The following NWD2 variants were observed in gnomAD, a reference collection of about 807,000 sequenced individuals.
NWD2 encodes the protein NACHT and WD repeat domain containing 2, also known as NACHT and WD repeat domain-containing protein 2.
NWD2 carries 37 observed loss-of-function variants against 132.7 expected under a neutral mutation model. That is an observed-to-expected ratio of 0.28 (90% confidence interval 0.21 to 0.37). The LOEUF (loss-of-function observed/expected upper bound fraction) is 0.37. NWD2 is among the 10% of genes least tolerant of loss of function. The pLI, the probability that NWD2 is intolerant of heterozygous loss-of-function variation, is 1.00. For synonymous variants in NWD2, 705 were observed against 803.0 expected, an observed-to-expected ratio of 0.88 and a Z score of 2.06; for missense variants, 1,592 against 2,122.4, an observed-to-expected ratio of 0.75 and a Z score of 4.91.
chr4:37,336,905 A>T lies in NWD2; in HGVS notation c.240+10881A>T, dbSNP rs116584512. 9.9e-3 allele frequency among the ~76,000 whole-genome samples: 1,445 copies of T among 145,846 alleles called. 22 individuals carry two copies. The highest frequency in any genetic ancestry group is 0.034 in the African/African-American group (1,361 of 39,918). ...AGTGGGCCGAGATCAAGATCGCACC[A>T]CTGCGCTCCAGCCTGGGCAAAAGAG... On this transcript the variant is annotated intron_variant, in intron 2 of 6. Transcript: ENST00000309447.
intron 2 of NWD2, among the ~76,000 whole-genome samples, chr4:37,336,952 GA>G (rs11371327): frequency 3.2e-4 from 38 of 119,020 alleles, no homozygotes; most frequent in Middle Eastern, 4.7e-3. Flanking sequence ...CTCAAAAAAA[GA>G]AAAAAAAAAA....
chr4:37,360,861 A>T lies in NWD2; in HGVS notation c.357+4379A>T, dbSNP rs908358951. Among the ~76,000 whole-genome samples, 5 of 152,152 alleles carry T rather than the reference A, an allele frequency of 3.3e-5. No homozygotes were observed. In the South Asian group the frequency reaches 1.0e-3, roughly 32 times the overall value. ...CTTGTCATCCCTCCAAATGTGGAGTACCCAAAAGAATTGCTTACAGAGTTT... is the reference window on the plus strand; with the variant it reads ...CTTGTCATCCCTCCAAATGTGGAGTTCCCAAAAGAATTGCTTACAGAGTTT... On this transcript the variant is annotated intron_variant, in intron 3 of 6. Coordinates refer to ENST00000309447, the MANE Select transcript of NWD2 (RefSeq NM_001144990.2).
chr4:37,319,652 T>C (rs1453545667), intron 1 of NWD2, among the ~76,000 whole-genome samples: 1 of 152,174 alleles, frequency 6.6e-6, no homozygotes, highest in East Asian at 1.9e-4. Flanking sequence ...TTTTTATATA[T>C]AGTGAAAGAT....
chr4:37,245,786 C>G (rs1717232578), intron 1 of NWD2, among the ~76,000 whole-genome samples: 1 of 152,162 alleles, frequency 6.6e-6, no homozygotes, highest in South Asian at 2.1e-4. Context: ...GGTCCCGGAA[C>G]AGGCTTCGCG....
chr4:37,257,581 A>G (rs576581560), intron 1 of NWD2, among the ~76,000 whole-genome samples: 1 of 152,340 alleles, frequency 6.6e-6, no homozygotes, highest in Middle Eastern at 3.4e-3. Flanking sequence ...GAATTTGTTA[A>G]AAGCTCTAGA....
chr4:37,436,219 G>A (rs564734206), intron 5 of NWD2, among the ~76,000 whole-genome samples: 69 of 152,084 alleles, frequency 4.5e-4, no homozygotes, highest in African/African-American at 1.6e-3. Context: ...TAAATTTCAG[G>A]ACATTAAGGA....
Position 37,446,618 on chromosome 4 carries a change from G to A in NWD2, c.4630G>A (p.Gly1544Arg). ...TGGAAAGCTAGGCATTATAGCCAGG[G>A]GAGATGAAAACATCAATGTGCTAGA... is the stretch of plus-strand genomic sequence containing the variant. The part of the protein sequence containing the change: ...PNGKLGIIAR[G>R]DENINVLDLY... The change falls in exon 7 of 7, where the codon GGA becomes AGA. Residue 1544 changes from glycine to arginine, a missense_variant. By Grantham distance (125) the Gly-to-Arg change is moderately radical. Coordinates refer to ENST00000309447, the MANE Select transcript of NWD2 (RefSeq NM_001144990.2). This position sits in a 1 kb window ranked among gnomAD's most constrained non-coding sequence, Gnocchi z 6.7. 6.4e-7 allele frequency: 1 copy of A among 1,551,474 alleles called. No individual in the cohort carries two copies. The highest frequency in any genetic ancestry group is 8.7e-7 in the Non-Finnish European group (1 of 1,146,960).
In NWD2 at chr4:37,444,436, T is replaced by A; in HGVS notation, c.2448T>A (p.Val816=). The part of the protein sequence containing the change: ...FDRQAPDQPW[V]FQCNPLEPDI... ...GGCAGGCTCCAGACCAGCCCTGGGT[T>A]TTCCAGTGTAATCCCCTGGAACCTG... Residue 816 remains valine, a synonymous_variant, in exon 7 of 7, where the codon GTT becomes GTA. Transcript: ENST00000309447. This position sits in a 1 kb window ranked among gnomAD's most constrained non-coding sequence, Gnocchi z 4.8. The A allele has an allele frequency of 6.4e-7, 1 of 1,552,050 alleles. No individual in the cohort carries two copies. Among genetic ancestry groups the A allele is most frequent in the Admixed American group, 2.0e-5 (1 of 51,018 alleles).
intron 6 of NWD2, among the ~76,000 whole-genome samples, chr4:37,442,204 T>TA (rs1331225374): frequency 6.6e-6 from 1 of 152,174 alleles, no homozygotes. Context: ...TTCACAAACT[T>TA]ACCTCCTAAT....
At chr4:37,272,808 G>A (rs1175346181) in intron 1 of NWD2, among the ~76,000 whole-genome samples, 2 of 151,264 alleles carry the variant, frequency 1.3e-5, no homozygotes, top group South Asian at 2.1e-4. Context: ...GGTTTAATTT[G>A]CCCTTTTTCT....
chr4:37,347,170 G>A (rs952399509), intron 2 of NWD2, among the ~76,000 whole-genome samples: 37 of 152,060 alleles, frequency 2.4e-4, no homozygotes, highest in African/African-American at 8.9e-4. Flanking sequence ...ACCATATTCA[G>A]AGAACATACT....
intron 5 of NWD2, among the ~76,000 whole-genome samples, chr4:37,438,186 A>G (rs1040774646): frequency 3.3e-5 from 5 of 151,848 alleles, no homozygotes; most frequent in Admixed American, 2.0e-4. Context: ...GTGTGAACCC[A>G]GGAGGCGGAG....
chr4:37,432,364 G>GAAA (rs71185140), intron 4 of NWD2, among the ~76,000 whole-genome samples: 122 of 138,612 alleles, frequency 8.8e-4, no homozygotes, highest in Admixed American at 2.6e-3. Context: ...GGGTGAAGAA[G>GAAA]AAAAAAAAAA....
At chr4:37,371,239 A>G (rs1720223847) in intron 3 of NWD2, among the ~76,000 whole-genome samples, 1 of 151,688 alleles carries the variant, frequency 6.6e-6, no homozygotes, top group Non-Finnish European at 1.5e-5. Context: ...CACCACGCCC[A>G]GCTAATTTTG....
chr4:37,407,624 T>C (rs1213704041), intron 3 of NWD2, among the ~76,000 whole-genome samples: 2 of 152,178 alleles, frequency 1.3e-5, no homozygotes, highest in Admixed American at 1.3e-4. Flanking sequence ...CTTAAGACAA[T>C]GTATAGACTT....
At chr4:37,348,715 A>C (rs1719699993) in intron 2 of NWD2, among the ~76,000 whole-genome samples, 1 of 126,138 alleles carries the variant, frequency 7.9e-6, no homozygotes, top group Non-Finnish European at 1.6e-5. Flanking sequence ...TTAAGTTCTG[A>C]GATACATGTG....
chr4:37,259,375 T>C (rs945573233), intron 1 of NWD2, among the ~76,000 whole-genome samples: 1 of 152,228 alleles, frequency 6.6e-6, no homozygotes, highest in Non-Finnish European at 1.5e-5. Context: ...GCCAATATTG[T>C]GGTACAGTAT....
chr4:37,288,819 G>GT (rs1206064346), intron 1 of NWD2, among the ~76,000 whole-genome samples: 3 of 151,836 alleles, frequency 2.0e-5, no homozygotes. Flanking sequence ...TTTGGTTTTT[G>GT]TTTTTTTAAA....
chr4:37,283,466 G>A (rs770667204), intron 1 of NWD2, among the ~76,000 whole-genome samples: 5 of 151,990 alleles, frequency 3.3e-5, no homozygotes, highest in Non-Finnish European at 5.9e-5. Flanking sequence ...ATAATTATAG[G>A]GGTCAATGTT....
Sources: gnomAD v4.1 joint callset for allele counts (sites outside exome capture counted in the v4.1 genomes callset) on GRCh38, gnomAD v4.1.1 for gene constraint, Gnocchi (gnomAD v3.1) non-coding constraint, MANE v1.5 for transcripts, NCBI Gene and HGNC (gene_info 2026-07-23, HGNC 2026-07-21) for gene names.